The following NFIA variants were observed in gnomAD, a reference collection of about 807,000 sequenced individuals.
NFIA encodes nuclear factor I A.
NFIA carries 8 observed loss-of-function variants against 62.8 expected under a neutral mutation model. The ratio of observed to expected loss-of-function variants is 0.13; its 90% CI spans 0.07 to 0.23. The LOEUF (loss-of-function observed/expected upper bound fraction) is 0.23, where lower values mean the gene tolerates loss of function less well. Among genes scored for constraint, NFIA ranks in the 10% least tolerant of loss-of-function variants. The pLI is 1.00. For missense variants in NFIA, 410 were observed against 642.1 expected (o/e 0.64, Z 3.91); for synonymous variants, 235 against 238.1 (o/e 0.99, Z 0.12).
At chr1:61,278,701 G>T (rs1290892045) in intron 3 of NFIA, among the ~76,000 whole-genome samples, 2 of 152,196 alleles carry the variant, frequency 1.3e-5, no homozygotes, top group African/African-American at 4.8e-5. Context: ...TTAGGCAGGA[G>T]AATTGCTTGA....
intron 2 of NFIA, among the ~76,000 whole-genome samples, chr1:61,186,392 G>C (rs574290016): frequency 1.3e-5 from 2 of 152,216 alleles, no homozygotes; most frequent in Non-Finnish European, 2.9e-5. Flanking sequence ...TTAACTTACT[G>C]TTATTTTTGC....
chr1:61,358,630 A>G (rs1020076980), intron 5 of NFIA, among the ~76,000 whole-genome samples: 1 of 151,996 alleles, frequency 6.6e-6, no homozygotes, highest in Non-Finnish European at 1.5e-5. Flanking sequence ...AAGTGTGATC[A>G]GCCTGCCTTG....
chr1:61,219,558 C>A (rs575360051), intron 2 of NFIA, among the ~76,000 whole-genome samples: 20 of 150,250 alleles, frequency 1.3e-4, no homozygotes, highest in Non-Finnish European at 2.2e-4. Flanking sequence ...ACTAAAAATA[C>A]AAAAAATTAG....
chr1:61,121,418 C>T lies in NFIA; in HGVS notation c.559+32738C>T, dbSNP rs573469963. Among the ~76,000 whole-genome samples, 9 of 152,112 alleles carry T rather than the reference C, an allele frequency of 5.9e-5. No homozygotes were observed. The South Asian group carries it at 1.7e-3, about 28-fold the overall frequency. On this transcript the variant is annotated intron_variant, in intron 2 of 10. Coordinates refer to ENST00000403491, the MANE Select transcript of NFIA (RefSeq NM_001134673.4). ...CCCAAGAATTCTAGGGAGTAAAATG[C>T]GTGCACAGGAAATCAGAAATGGATC...
intron 2 of NFIA, among the ~76,000 whole-genome samples, chr1:61,242,431 A>C (rs1377306454): frequency 6.6e-6 from 1 of 152,174 alleles, no homozygotes; most frequent in African/African-American, 2.4e-5. Flanking sequence ...TAAAAAACAA[A>C]GCCTGGAAAA....
intron 2 of NFIA, among the ~76,000 whole-genome samples, chr1:61,275,645 A>G (rs1657763693): frequency 6.6e-6 from 1 of 152,186 alleles, no homozygotes; most frequent in Admixed American, 6.5e-5. Flanking sequence ...GGACATGATC[A>G]AGAATTTTAA....
At chr1:61,318,143 T>C (rs1660468374) in intron 3 of NFIA, among the ~76,000 whole-genome samples, 1 of 152,176 alleles carries the variant, frequency 6.6e-6, no homozygotes, top group African/African-American at 2.4e-5. Context: ...TTTGTTTTTT[T>C]CAGATCACAA....
chr1:61,151,123 G>A (rs900528678), intron 2 of NFIA, among the ~76,000 whole-genome samples: 2 of 152,186 alleles, frequency 1.3e-5, no homozygotes, highest in Admixed American at 1.3e-4. Context: ...GAGCTTAAGG[G>A]AATCTTGCCT....
intron 2 of NFIA, among the ~76,000 whole-genome samples, chr1:61,240,523 CT>C (rs1033474545): frequency 6.6e-6 from 1 of 151,178 alleles, no homozygotes; most frequent in African/African-American, 2.4e-5. Context: ...ACAATGGGGT[CT>C]TTTTTTTAAT....
chr1:61,172,830 A>C (rs1057310823), intron 2 of NFIA, among the ~76,000 whole-genome samples: 10 of 152,296 alleles, frequency 6.6e-5, no homozygotes, highest in South Asian at 6.2e-4. Context: ...TTTCTTGGTT[A>C]TTTATAACAT....
intron 2 of NFIA, among the ~76,000 whole-genome samples, chr1:61,202,371 T>A (rs1652563300): frequency 6.6e-6 from 1 of 152,184 alleles, no homozygotes; most frequent in South Asian, 2.1e-4. Context: ...ATAAGATTCA[T>A]ATGGCAGGGT....
chr1:61,418,219 A>G (rs540831670), intron 9 of NFIA, among the ~76,000 whole-genome samples: 40 of 152,236 alleles, frequency 2.6e-4, no homozygotes, highest in Non-Finnish European at 4.6e-4. Flanking sequence ...ATCCCAGCAC[A>G]TTGGGAGGCT....
rs150048436 is a variant in NFIA, at chr1:61,367,302, C to T, written c.946+8028C>T. On this transcript the variant is annotated intron_variant, in intron 6 of 10. Transcript: ENST00000403491. Reference sequence around the variant, plus strand: ...ATTATCAGTGCCAGTAAAAAGGCAGCGACTGGTAACAATAGTGCTTTGATC... The same window carrying T: ...ATTATCAGTGCCAGTAAAAAGGCAGTGACTGGTAACAATAGTGCTTTGATC... 3.1e-3 allele frequency among the ~76,000 whole-genome samples: 478 copies of T among 152,284 alleles called. 2 individuals carry two copies. The highest frequency in any genetic ancestry group is 0.011 in the African/African-American group (459 of 41,566).
chr1:61,384,671 A>G (rs991185489), intron 7 of NFIA, among the ~76,000 whole-genome samples: 2 of 152,206 alleles, frequency 1.3e-5, no homozygotes, highest in African/African-American at 4.8e-5. Context: ...AGAGATATGA[A>G]GCCCTTTTAG....
chr1:61,269,509 A>T (rs1291826288), intron 2 of NFIA, among the ~76,000 whole-genome samples: 2 of 151,476 alleles, frequency 1.3e-5, no homozygotes, highest in African/African-American at 4.8e-5. Context: ...AGCTGGATGT[A>T]TTTTTTTTTA....
chr1:61,409,181 A>T (rs1323286172), intron 9 of NFIA, among the ~76,000 whole-genome samples: 1 of 152,164 alleles, frequency 6.6e-6, no homozygotes, highest in Admixed American at 6.5e-5. Flanking sequence ...AGAGAATATC[A>T]GGAGAAAGAG....
intron 7 of NFIA, among the ~76,000 whole-genome samples, chr1:61,384,169 T>C (rs1664566553): frequency 6.6e-6 from 1 of 152,216 alleles, no homozygotes; most frequent in Non-Finnish European, 1.5e-5. Context: ...TCAGATTTTC[T>C]TTTAGGTAGG....
intron 2 of NFIA, among the ~76,000 whole-genome samples, chr1:61,156,801 A>G (rs530743266): frequency 4.6e-5 from 7 of 152,236 alleles, no homozygotes; most frequent in Non-Finnish European, 7.3e-5. Flanking sequence ...AGAAAGTACC[A>G]GCTTAACTTC....
chr1:61,077,230 GGA>G, upstream of NFIA: 1 of 184,162 alleles, frequency 5.4e-6, no homozygotes, highest in Admixed American at 6.2e-5. Context: ...AGTTGGGAGA[GGA>G]GAGAGGGACT....
Sources: allele counts gnomAD v4.1 joint callset (sites outside exome capture counted in the v4.1 genomes callset), GRCh38; gene constraint gnomAD v4.1.1; transcripts MANE v1.5; gene names NCBI Gene and HGNC (gene_info 2026-07-23, HGNC 2026-07-21).